ATXN1: variants seen among roughly 807,000 people sequenced by gnomAD.
ATXN1 encodes the protein ataxin-1.
A neutral mutation model predicts 56.4 loss-of-function variants in ATXN1; 8 were observed. That is an observed-to-expected ratio of 0.14 (90% CI 0.08 to 0.26). The LOEUF (loss-of-function observed/expected upper bound fraction) is 0.26. Among genes scored for constraint, ATXN1 ranks in the 10% least tolerant of loss-of-function variants. The pLI, the probability that ATXN1 is intolerant of heterozygous loss-of-function variation, is 1.00. For synonymous variants in ATXN1, 514 were observed against 494.6 expected (o/e 1.04, Z -0.52); for missense variants, 987 against 1,106.5 (o/e 0.89, Z 1.53).
intron 6 of ATXN1, among the ~76,000 whole-genome samples, chr6:16,433,866 G>A (rs575030700): frequency 3.9e-5 from 6 of 152,180 alleles, no homozygotes; most frequent in South Asian, 2.1e-4. Flanking sequence ...GCTCTGTGCC[G>A]CTACCTCCTC....
intron 6 of ATXN1, among the ~76,000 whole-genome samples, chr6:16,385,638 A>C (rs1470817804): frequency 6.6e-6 from 1 of 152,226 alleles, no homozygotes; most frequent in Non-Finnish European, 1.5e-5. Context: ...TAAAGTTTAA[A>C]ATCTCTAACT....
At chr6:16,450,860 T>C (rs572480133) in intron 6 of ATXN1, among the ~76,000 whole-genome samples, 11 of 152,262 alleles carry the variant, frequency 7.2e-5, no homozygotes, top group African/African-American at 2.6e-4. Context: ...CAGGTGTCCA[T>C]CCCCATCCTA....
At chr6:16,476,533 A>AC (rs1206721788) in intron 6 of ATXN1, among the ~76,000 whole-genome samples, 4 of 152,132 alleles carry the variant, frequency 2.6e-5, no homozygotes, top group Non-Finnish European at 5.9e-5. Context: ...CAAAAAAAAA[A>AC]ACAAAAAACA....
intron 2 of ATXN1, among the ~76,000 whole-genome samples, chr6:16,697,782 T>A (rs947257387): frequency 2.2e-4 from 34 of 152,174 alleles, no homozygotes; most frequent in African/African-American, 8.0e-4. Flanking sequence ...CAAACATGGA[T>A]TAAACAGCGT....
rs569696433 is a variant in ATXN1 at position 16,368,413 on chromosome 6, T to C, written c.-160-39943A>G. ...AATCCTAACTGTTACAAATAGACCT[T>C]AGAGGTCATAATAGACTTCATTTTA... is the stretch of plus-strand genomic sequence containing the variant. On this transcript the variant is annotated intron_variant, in intron 6 of 7. Coordinates refer to ENST00000436367, the MANE Select transcript of ATXN1 (RefSeq NM_001128164.2). Among the ~76,000 whole-genome samples, 3 of 147,634 alleles carry C rather than the reference T, an allele frequency of 2.0e-5. No homozygotes were observed. In the East Asian group the frequency reaches 6.0e-4, roughly 30 times the overall value.
intron 2 of ATXN1, among the ~76,000 whole-genome samples, chr6:16,749,721 T>C (rs1397521955): frequency 6.6e-6 from 1 of 151,982 alleles, no homozygotes; most frequent in Non-Finnish European, 1.5e-5. Flanking sequence ...CCTCTTACCT[T>C]CTCTCTACAC....
intron 2 of ATXN1, among the ~76,000 whole-genome samples, chr6:16,741,766 T>C (rs1760347425): frequency 6.6e-6 from 1 of 152,256 alleles, no homozygotes. Flanking sequence ...ATTTTAATGT[T>C]GTTTATTACT....
rs563427455 is a variant in ATXN1 at position 16,407,075 on chromosome 6, G to C, written c.-160-78605C>G. On this transcript the variant is annotated intron_variant, in intron 6 of 7. Transcript: ENST00000436367. ...TCTAACACTTAAGATGTGTACTATG[G>C]AATCAGATTTGTAAAAGTTCACAGC... Among the ~76,000 whole-genome samples, 7 of 152,290 alleles carry C rather than the reference G, an allele frequency of 4.6e-5. No individual in the cohort carries two copies. The South Asian group carries it at 6.2e-4, about 14-fold the overall frequency.
At chr6:16,628,574 C>G (rs1041269533) in intron 3 of ATXN1, among the ~76,000 whole-genome samples, 3 of 152,124 alleles carry the variant, frequency 2.0e-5, no homozygotes, top group Admixed American at 6.6e-5. Context: ...AGATACTAAG[C>G]CTAGTACCCA....
chr6:16,482,017 T>TA (rs1263097175), intron 6 of ATXN1, among the ~76,000 whole-genome samples: 1 of 152,122 alleles, frequency 6.6e-6, no homozygotes, highest in Non-Finnish European at 1.5e-5. Context: ...CTAGAATTTT[T>TA]TTTTTTTTAC....
chr6:16,586,041 G>GCA (rs1359030233), intron 3 of ATXN1, 134 bp from the exon 4 acceptor site: 2 of 127,448 alleles, frequency 1.6e-5, no homozygotes, highest in African/African-American at 7.9e-5. Context: ...ACGCAAGCAT[G>GCA]CGCACACACA....
intron 6 of ATXN1, among the ~76,000 whole-genome samples, chr6:16,390,707 C>CACACACACGCAT (rs1554142733): frequency 6.6e-6 from 1 of 151,584 alleles, no homozygotes; most frequent in Non-Finnish European, 1.5e-5. Flanking sequence ...CACACACACA[C>CACACACACGCAT]GCATGCACAC....
At chr6:16,434,437 T>C (rs973181219) in intron 6 of ATXN1, among the ~76,000 whole-genome samples, 7 of 152,256 alleles carry the variant, frequency 4.6e-5, no homozygotes. Context: ...TTAATTTCTC[T>C]TTCCCTTCTA....
chr6:16,368,395 A>G (rs1034352449), intron 6 of ATXN1, among the ~76,000 whole-genome samples: 1 of 141,050 alleles, frequency 7.1e-6, no homozygotes, highest in Non-Finnish European at 1.5e-5. Flanking sequence ...CCTAATCCTA[A>G]CTGTTACAAA....
At chr6:16,707,530 T>G (rs1759432919) in intron 2 of ATXN1, among the ~76,000 whole-genome samples, 1 of 152,226 alleles carries the variant, frequency 6.6e-6, no homozygotes, top group African/African-American at 2.4e-5. Flanking sequence ...TTCTATCTTC[T>G]ACTCTGCCCA....
chr6:16,451,720 T>C (rs235160), intron 6 of ATXN1, among the ~76,000 whole-genome samples: 135,427 of 151,730 alleles, frequency 0.89, 60,510 homozygotes, highest in East Asian at 0.97. Flanking sequence ...GTGCCATTGC[T>C]CTCCAGCGTG....
At chr6:16,756,983 A>G (rs1407346884) in intron 1 of ATXN1, among the ~76,000 whole-genome samples, 1 of 152,266 alleles carries the variant, frequency 6.6e-6, no homozygotes, top group African/African-American at 2.4e-5. Context: ...ATTCAAAGAA[A>G]TGTGCGTCCT....
intron 4 of ATXN1, among the ~76,000 whole-genome samples, chr6:16,529,077 G>A (rs1761449300): frequency 6.6e-6 from 1 of 151,858 alleles, no homozygotes. Context: ...TACTTGGGAG[G>A]CTGAGGCAGG....
Position 16,464,746 on chromosome 6 carries a change from TAAAA to T in ATXN1, c.-161+21222_-161+21225del, listed in dbSNP as rs34230333. Among the ~76,000 whole-genome samples, 929 of 140,050 alleles carry T rather than the reference TAAAA, an allele frequency of 6.6e-3. 5 individuals are homozygous for T. Among genetic ancestry groups the T allele is most frequent in the African/African-American group, 0.023 (875 of 37,508 alleles). 91.9% of individuals were successfully genotyped at this position (140,050 alleles called of 152,430 possible). A position where few individuals can be genotyped will look rare whatever the true frequency, so the allele number is the denominator to read the frequency against. ...GGAAAAGGCAAAGCTACAGGGATAG[TAAAA>T]AAAAAAAAAAAAATCAGGGGTTTTG... On this transcript the variant is annotated intron_variant, in intron 6 of 7. Transcript: ENST00000436367.
Sources: allele counts gnomAD v4.1 joint callset (sites outside exome capture counted in the v4.1 genomes callset), GRCh38; gene constraint gnomAD v4.1.1; transcripts MANE v1.5; gene names NCBI Gene and HGNC (gene_info 2026-07-23, HGNC 2026-07-21).